The following DRC7 variants were observed in gnomAD, a reference collection of about 807,000 sequenced individuals.
The protein encoded by DRC7 is coiled-coil domain containing 135.
DRC7 carries 80 observed loss-of-function variants against 104.4 expected under a neutral mutation model. The observed-to-expected ratio is 0.77, with a 90% CI of 0.64 to 0.92. The LOEUF is 0.92. DRC7 is among the 40% of genes least tolerant of loss of function. DRC7 has a pLI of 0.00. For synonymous variants in DRC7, 405 were observed against 447.3 expected (o/e 0.91, Z 1.19); for missense variants, 1,034 against 1,141.1 (o/e 0.91, Z 1.35).
chr16:57,726,244 C>T lies in DRC7; in HGVS notation c.1935C>T (p.Asn645=), dbSNP rs754091701. The T allele has an allele frequency of 6.2e-7, 1 of 1,612,870 alleles. No individual in the cohort carries two copies. The highest frequency in any genetic ancestry group is 1.1e-5 in the South Asian group (1 of 91,088). The change falls in exon 14 of 19, where the codon AAC becomes AAT. Residue 645 remains asparagine (N), a synonymous_variant. Transcript: ENST00000360716. ...LRRTEVDSKG[N]KIIMTPDMCI... Reference sequence around the variant, plus strand: ...GCACCGAGGTGGACAGCAAAGGCAACAAGATCATCATGACGCCCGACATGT... The same window carrying T: ...GCACCGAGGTGGACAGCAAAGGCAATAAGATCATCATGACGCCCGACATGT...
In DRC7 at chr16:57,728,387, C is replaced by T. The variant is rs747157244; in HGVS notation, c.2197-3C>T. The T allele has an allele frequency of 8.2e-6, 13 of 1,586,546 alleles. No individual in the cohort carries two copies. In the South Asian group the frequency reaches 1.0e-4, roughly 12 times the overall value. ...TCCAGCTATCTGCCCCTCACCTTTACAGGAGCGCATGATGCACGAAGAGCA... is the reference window on the plus strand; with the variant it reads ...TCCAGCTATCTGCCCCTCACCTTTATAGGAGCGCATGATGCACGAAGAGCA... On this transcript the variant is annotated splice_region_variant and splice_polypyrimidine_tract_variant and intron_variant, in intron 16 of 18. Transcript: ENST00000360716.
chr16:57,729,011 T>G (rs559731107), intron 17 of DRC7, among the ~76,000 whole-genome samples: 1 of 150,692 alleles, frequency 6.6e-6, no homozygotes, highest in South Asian at 2.1e-4. Flanking sequence ...GATAGATAGG[T>G]GTATGGGTAT....
In DRC7 at chr16:57,731,005, C is replaced by A. The variant is rs548935155; in HGVS notation, c.2466C>A (p.Asp822Glu). 35 of 1,613,546 alleles carry A rather than the reference C, an allele frequency of 2.2e-5. 1 individual carries two copies. The South Asian group carries it at 3.6e-4, about 17-fold the overall frequency. The stretch of plus-strand genomic sequence containing the variant: ...TGACGCTGACACCCGAGGATGAAGA[C>A]CTGTACCTGAGTTACTGCTCTCAGG... ...NQVTLTPEDEDLYLSYCSQAM... is the reference protein window; with the variant it reads ...NQVTLTPEDEELYLSYCSQAM... The change falls in exon 18 of 19, where the codon GAC becomes GAA. Residue 822 changes from aspartate to glutamate, a missense_variant. Transcript: ENST00000360716.
At chr16:57,729,566 G>A (rs1274760359) in intron 17 of DRC7, among the ~76,000 whole-genome samples, 2 of 103,774 alleles carry the variant, frequency 1.9e-5, no homozygotes, top group Non-Finnish European at 1.9e-5. Context: ...GGATGAGTGG[G>A]TGGGTGGATG....
At chr16:57,702,189 G>A (rs534486235) in intron 6 of DRC7, 59 bp downstream of exon 6, 138 of 1,573,666 alleles carry the variant, frequency 8.8e-5, no homozygotes, top group Non-Finnish European at 1.1e-4. Context: ...CGGTGCTGTC[G>A]TGCCATCCTT....
Position 57,722,841 on chromosome 16 carries a change from T to C in DRC7, c.1408T>C (p.Cys470Arg). 6.2e-7 allele frequency: 1 copy of C among 1,613,512 alleles called. No individual in the cohort carries two copies. ...CCTCACCACCTATGAGGACTTGCAG[T>C]GTAAGGGGGATTGCTCTGGACATGG... ...SRLTTYEDLQ[C>R]TNILEIKEWY... Residue 470 changes from cysteine (C) to arginine (R), a missense_variant and splice_region_variant, in exon 11 of 19, where the codon TGT becomes CGT. Coordinates refer to ENST00000360716, the MANE Select transcript of DRC7 (RefSeq NM_001289162.2).
At chr16:57,722,087 G>A (rs547913574) in intron 10 of DRC7, among the ~76,000 whole-genome samples, 12 of 152,330 alleles carry the variant, frequency 7.9e-5, no homozygotes, top group African/African-American at 2.6e-4. Flanking sequence ...CAGATGGTGC[G>A]GGGGGTCTCA....
chr16:57,727,072 C>T (rs2048977779), intron 15 of DRC7, 130 bp downstream of exon 15: 1 of 671,188 alleles, frequency 1.5e-6, no homozygotes, highest in Non-Finnish European at 2.6e-6. Context: ...GTGGTCCTCC[C>T]ACCTCATCCT....
chr16:57,704,951 G>C lies in DRC7; in HGVS notation c.775G>C (p.Glu259Gln). 1.9e-6 allele frequency: 3 copies of C among 1,613,864 alleles called. No homozygotes were observed. Among genetic ancestry groups the C allele is most frequent in the Non-Finnish European group, 2.5e-6 (3 of 1,179,956 alleles). The change falls in exon 7 of 19, where the codon GAG becomes CAG. Residue 259 changes from glutamate (E) to glutamine (Q), a missense_variant. Coordinates refer to ENST00000360716, the MANE Select transcript of DRC7 (RefSeq NM_001289162.2). Reference sequence around the variant, plus strand: ...CCCCAGGGACCTGTGCAGCAGGTTTGAGCAGGAGCAAGAGGTGAAGAAGCA... The same window carrying C: ...CCCCAGGGACCTGTGCAGCAGGTTTCAGCAGGAGCAAGAGGTGAAGAAGCA... ...KPPRDLCSRF[E>Q]QEQEVKKQQE...
In DRC7 at chr16:57,701,987, TG is replaced by T; in HGVS notation, c.557del (p.Cys186SerfsTer35). The part of the protein sequence containing the change: ...TTVLKYQKGN[C>X]FDFSTLLCSM... ...TGTGCTCAAGTACCAGAAGGGGAAC[TG>T]CTTTGACTTCAGTACGCTGCTCTGC... On this transcript the variant is annotated frameshift_variant, in exon 6 of 19. Coordinates refer to ENST00000360716, the MANE Select transcript of DRC7 (RefSeq NM_001289162.2). LOFTEE classifies it high-confidence loss of function. The T allele has an allele frequency of 6.2e-7, 1 of 1,614,196 alleles. No homozygotes were observed. The highest frequency in any genetic ancestry group is 8.5e-7 in the Non-Finnish European group (1 of 1,180,034).
chr16:57,698,154 T>C lies in DRC7; in HGVS notation c.203+2T>C. 1.2e-6 allele frequency: 2 copies of C among 1,613,790 alleles called. No individual in the cohort carries two copies. Among genetic ancestry groups the C allele is most frequent in the Non-Finnish European group, 1.7e-6 (2 of 1,179,946 alleles). ...GATCACTGTCTCAGCGGAGCTCCCG[T>C]GAGTGTGGCAGGGTGGGGGCCCTGG... On this transcript the variant is annotated splice_donor_variant, in intron 3 of 18. Coordinates refer to ENST00000360716, the MANE Select transcript of DRC7 (RefSeq NM_001289162.2). LOFTEE classifies it high-confidence loss of function.
chr16:57,707,323 G>A (rs549818481), intron 7 of DRC7, 137 bp from the exon 8 acceptor site: 114 of 723,830 alleles, frequency 1.6e-4, no homozygotes, highest in Non-Finnish European at 1.9e-4. Flanking sequence ...GAGATGGGCC[G>A]TCACACTCCG....
chr16:57,704,741 GA>G, intron 6 of DRC7, 134 bp from the exon 7 acceptor site: 1 of 945,958 alleles, frequency 1.1e-6, no homozygotes. Context: ...TTTAGAGCCA[GA>G]AAGGCCACAG....
chr16:57,729,481 G>A (rs1254797955), intron 17 of DRC7, among the ~76,000 whole-genome samples: 9 of 137,532 alleles, frequency 6.5e-5, no homozygotes, highest in East Asian at 2.4e-4. Context: ...TGGGTGGATG[G>A]ATGAGTGGGT....
intron 4 of DRC7, among the ~76,000 whole-genome samples, 185 bp from the exon 5 acceptor site, chr16:57,699,960 A>G (rs2048639280): frequency 6.6e-6 from 1 of 152,170 alleles, no homozygotes; most frequent in Admixed American, 6.5e-5. Flanking sequence ...GATGGCTGCC[A>G]TGTGCCAGAT....
At chr16:57,728,719 T>C (rs2049004316) in intron 17 of DRC7, 135 bp downstream of exon 17, 1 of 631,354 alleles carries the variant, frequency 1.6e-6, no homozygotes, top group Non-Finnish European at 2.5e-6. Context: ...ATGCTTGGGG[T>C]TTCCAAATGA....
rs3809611 is a variant in DRC7, at chr16:57,722,731, C to G, written c.1298C>G (p.Pro433Arg). The change falls in exon 11 of 19, where the codon CCG becomes CGG. Residue 433 changes from proline to arginine, a missense_variant. Coordinates refer to ENST00000360716, the MANE Select transcript of DRC7 (RefSeq NM_001289162.2). ...ISPEAFETRCPNGKKVIQYKR... is the reference protein window; with the variant it reads ...ISPEAFETRCRNGKKVIQYKR... ...TCCACAGCATTTGAGACCCGCTGCC[C>G]GAACGGGAAGAAGGTGATTCAGTAC... 23 of 1,613,356 alleles carry G rather than the reference C, an allele frequency of 1.4e-5. No homozygotes were observed. Among genetic ancestry groups the G allele is most frequent in the Non-Finnish European group, 1.6e-5 (19 of 1,179,922 alleles).
intron 8 of DRC7, among the ~76,000 whole-genome samples, chr16:57,710,343 AT>A (rs1157165455): frequency 6.6e-5 from 10 of 152,118 alleles, no homozygotes; most frequent in African/African-American, 2.4e-4. Context: ...AATGCAGTTG[AT>A]TTTTACATAT....
In DRC7 at chr16:57,728,373, G is replaced by T. The variant is rs574446320; in HGVS notation, c.2197-17G>T. On this transcript the variant is annotated splice_polypyrimidine_tract_variant and intron_variant, in intron 16 of 18. Coordinates refer to ENST00000360716, the MANE Select transcript of DRC7 (RefSeq NM_001289162.2). Reference sequence around the variant, plus strand: ...GTAGTTCCTGCTGATCCAGCTATCTGCCCCTCACCTTTACAGGAGCGCATG... The same window carrying T: ...GTAGTTCCTGCTGATCCAGCTATCTTCCCCTCACCTTTACAGGAGCGCATG... 22 of 1,563,088 alleles carry T rather than the reference G, an allele frequency of 1.4e-5. No individual in the cohort carries two copies. The highest frequency in any genetic ancestry group is 1.8e-4 in the Middle Eastern group (1 of 5,682).
Sources: allele counts gnomAD v4.1 joint callset (sites outside exome capture counted in the v4.1 genomes callset), GRCh38; gene constraint gnomAD v4.1.1; transcripts MANE v1.5; gene names NCBI Gene and HGNC (gene_info 2026-07-23, HGNC 2026-07-21).